Variants in HEMK2 observed in about 807,000 individuals in gnomAD.
HEMK2 encodes the protein HemK methyltransferase 2, ETF1 glutamine and histone H4 lysine, also known as methyltransferase HEMK2.
At chr21:28,879,402 C>T in the HEMK2 span, among the ~76,000 whole-genome samples, 2 of 152,056 alleles carry the variant, frequency 1.3e-5, no homozygotes, top group Non-Finnish European at 2.9e-5. Context: ...CCACCAGGCC[C>T]GGCTAATTTT....
At chr21:28,758,824 T>G in the HEMK2 span, among the ~76,000 whole-genome samples, 2 of 152,116 alleles carry the variant, frequency 1.3e-5, no homozygotes, top group African/African-American at 4.8e-5. Flanking sequence ...GCTCAGTGAT[T>G]TGTGGATCTA....
the HEMK2 span, among the ~76,000 whole-genome samples, chr21:28,703,794 T>G: frequency 6.6e-6 from 1 of 152,212 alleles, no homozygotes; most frequent in East Asian, 1.9e-4. Context: ...TCGTCCCGTG[T>G]AAAATTTATT....
At chr21:28,663,608 A>C in the HEMK2 span, among the ~76,000 whole-genome samples, 7 of 152,216 alleles carry the variant, frequency 4.6e-5, no homozygotes, top group Non-Finnish European at 1.0e-4. Context: ...TTAGGTGCCA[A>C]CTTTAATTTT....
the HEMK2 span, among the ~76,000 whole-genome samples, chr21:28,815,818 G>C: frequency 6.6e-6 from 1 of 152,076 alleles, no homozygotes; most frequent in East Asian, 1.9e-4. Context: ...ATTGAGGGAG[G>C]AAGGTCTTTA....
the HEMK2 span, among the ~76,000 whole-genome samples, chr21:28,784,896 T>A: frequency 6.6e-6 from 1 of 152,180 alleles, no homozygotes; most frequent in Non-Finnish European, 1.5e-5. Context: ...TTGCAATAAA[T>A]CTTGCTGCTG....
At chr21:28,817,690 T>C in the HEMK2 span, among the ~76,000 whole-genome samples, 3 of 152,202 alleles carry the variant, frequency 2.0e-5, no homozygotes, top group African/African-American at 4.8e-5. Flanking sequence ...AAATGTCTGA[T>C]GGAGTGAAGA....
At chr21:28,683,218 A>G in the HEMK2 span, among the ~76,000 whole-genome samples, 1 of 152,130 alleles carries the variant, frequency 6.6e-6, no homozygotes, top group African/African-American at 2.4e-5. Flanking sequence ...AAAATAGGTA[A>G]TAGTAACATA....
chr21:28,576,768 T>C, the HEMK2 span, among the ~76,000 whole-genome samples: 1 of 152,170 alleles, frequency 6.6e-6, no homozygotes, highest in Non-Finnish European at 1.5e-5. Flanking sequence ...TGGAGTACAA[T>C]GGTGCAATCT....
At chr21:28,630,274 A>G in the HEMK2 span, among the ~76,000 whole-genome samples, 1 of 152,138 alleles carries the variant, frequency 6.6e-6, no homozygotes, top group African/African-American at 2.4e-5. Flanking sequence ...AAAAATCAGG[A>G]AACAACAGGT....
chr21:28,852,575 G>A, the HEMK2 span, among the ~76,000 whole-genome samples: 476 of 152,280 alleles, frequency 3.1e-3, 3 homozygotes, highest in African/African-American at 0.011. Context: ...GTGTCCTTGG[G>A]AAATGATTGG....
At chr21:28,647,585 C>T in the HEMK2 span, among the ~76,000 whole-genome samples, 11 of 151,804 alleles carry the variant, frequency 7.2e-5, no homozygotes, top group Non-Finnish European at 1.3e-4. Context: ...CACCCAACGT[C>T]ACCTCCCTAT....
chr21:28,681,846 A>G, the HEMK2 span, among the ~76,000 whole-genome samples: 1 of 152,214 alleles, frequency 6.6e-6, no homozygotes, highest in African/African-American at 2.4e-5. Flanking sequence ...CTGGCTAGCC[A>G]TATGTAGAAA....
the HEMK2 span, among the ~76,000 whole-genome samples, chr21:28,859,951 G>A: frequency 4.6e-5 from 7 of 152,142 alleles, no homozygotes; most frequent in African/African-American, 1.7e-4. Flanking sequence ...TGAGTGTGAT[G>A]GTTAATATGG....
the HEMK2 span, among the ~76,000 whole-genome samples, chr21:28,828,729 G>A: frequency 6.6e-6 from 1 of 152,062 alleles, no homozygotes; most frequent in Non-Finnish European, 1.5e-5. Flanking sequence ...CCTTCCAAAA[G>A]TTTCCAGTGG....
chr21:28,799,601 A>G, the HEMK2 span, among the ~76,000 whole-genome samples: 16 of 152,296 alleles, frequency 1.1e-4, no homozygotes, highest in Admixed American at 2.0e-4. Context: ...CAGTTTTCAA[A>G]TGACTGTGAA....
the HEMK2 span, among the ~76,000 whole-genome samples, chr21:28,884,833 T>TA: frequency 6.6e-6 from 1 of 152,216 alleles, no homozygotes; most frequent in African/African-American, 2.4e-5. Context: ...GCAATTTTAA[T>TA]ATGTAATACT....
At chr21:28,876,266 T>C in the HEMK2 span, 1 of 625,164 alleles carries the variant, frequency 1.6e-6, no homozygotes, top group Non-Finnish European at 2.7e-6. Flanking sequence ...TGTTCCACCT[T>C]TCTACCTTTT....
chr21:28,584,253 C>T, the HEMK2 span, among the ~76,000 whole-genome samples: 5 of 152,214 alleles, frequency 3.3e-5, no homozygotes, highest in East Asian at 5.8e-4. Flanking sequence ...CCATTCAACA[C>T]AAAGATTATT....
chr21:28,817,423 T>C, the HEMK2 span, among the ~76,000 whole-genome samples: 2 of 152,222 alleles, frequency 1.3e-5, no homozygotes, highest in African/African-American at 4.8e-5. Flanking sequence ...GTTATTGATG[T>C]ATTATTTTTA....
Sources: allele counts gnomAD v4.1 joint callset (sites outside exome capture counted in the v4.1 genomes callset), GRCh38; gene constraint gnomAD v4.1.1; transcripts MANE v1.5; gene names NCBI Gene and HGNC (gene_info 2026-07-23, HGNC 2026-07-21).